The following KLF12 variants were observed in gnomAD, a reference collection of about 807,000 sequenced individuals.
KLF12 encodes the protein Krueppel-like factor 12.
In KLF12, 9 loss-of-function variants were observed where a neutral mutation model predicts 37.8. That is an observed-to-expected ratio of 0.24 (90% CI 0.14 to 0.42). KLF12 has a LOEUF of 0.42. Ranked by LOEUF, KLF12 falls within the 10% of genes least tolerant of loss-of-function variation. The probability of loss-of-function intolerance (pLI) is 1.00; values close to 1 mark genes in which losing one functional copy is unlikely to be tolerated. For synonymous variants in KLF12, 208 were observed against 202.1 expected, an observed-to-expected ratio of 1.03 and a Z score of -0.25; for missense variants, 411 against 516.0, an observed-to-expected ratio of 0.80 and a Z score of 1.97.
At position 73,780,476 on chromosome 13, in the gene KLF12, T is replaced by G. The variant is rs867799478; in HGVS notation, c.807-15476A>C. Among the ~76,000 whole-genome samples the G allele has an allele frequency of 2.8e-3, 423 of 152,138 alleles. 5 individuals carry two copies. Among genetic ancestry groups the G allele is most frequent in the African/African-American group, 9.8e-3 (406 of 41,536 alleles). On this transcript the variant is annotated intron_variant, in intron 5 of 7. Coordinates refer to ENST00000377669, the MANE Select transcript of KLF12 (RefSeq NM_007249.5). ...AGCTTAGCACCCAAGGAATGGTTTTTTTTTTTTTTCTTTTTTCTTTGAGAC... is the reference window on the plus strand; with the variant it reads ...AGCTTAGCACCCAAGGAATGGTTTTGTTTTTTTTTCTTTTTTCTTTGAGAC...
intron 1 of KLF12, among the ~76,000 whole-genome samples, chr13:73,997,226 C>T (rs1892146547): frequency 6.6e-6 from 1 of 152,036 alleles, no homozygotes; most frequent in Non-Finnish European, 1.5e-5. Context: ...TTGAGAAGAC[C>T]TGTCTGTCCC....
chr13:74,107,228 G>C (rs1186143383), intron 1 of KLF12, among the ~76,000 whole-genome samples: 1 of 152,194 alleles, frequency 6.6e-6, no homozygotes, highest in Middle Eastern at 3.2e-3. Context: ...TATTGCATTG[G>C]AGATTAAGTT....
intron 3 of KLF12, among the ~76,000 whole-genome samples, chr13:73,896,830 C>T (rs529280457): frequency 2.0e-5 from 3 of 152,252 alleles, no homozygotes; most frequent in Non-Finnish European, 4.4e-5. Context: ...AATACAATGG[C>T]TTTCTTGGTT....
chr13:74,165,299 C>CTTTTTT, the KLF12 span, among the ~76,000 whole-genome samples: 20 of 98,318 alleles, frequency 2.0e-4, no homozygotes, highest in Non-Finnish European at 3.2e-4. Context: ...ATTTTCTTTT[C>CTTTTTT]TTTTTTTTTT....
intron 3 of KLF12, among the ~76,000 whole-genome samples, chr13:73,863,043 A>G (rs188117822): frequency 2.0e-4 from 31 of 152,270 alleles, no homozygotes; most frequent in Admixed American, 3.9e-4. Context: ...CCAAAAAGGC[A>G]TTTATGTTGG....
intron 3 of KLF12, among the ~76,000 whole-genome samples, chr13:73,857,863 A>T (rs1235057548): frequency 6.6e-6 from 1 of 152,226 alleles, no homozygotes; most frequent in African/African-American, 2.4e-5. Context: ...TAATTCTAAT[A>T]ATCAGACAAG....
chr13:73,689,192 G>T lies in KLF12; in HGVS notation c.*6298C>A, dbSNP rs959130528. The T allele has an allele frequency of 4.6e-5, 7 of 152,114 alleles. No individual in the cohort carries two copies. The highest frequency in any genetic ancestry group is 1.0e-4 in the Non-Finnish European group (7 of 68,022). The allele number at this position is 152,114 out of a possible 1,614,324, so 9.4% of individuals were successfully genotyped here. A position where few individuals can be genotyped will look rare whatever the true frequency, so the allele number is the denominator to read the frequency against. On this transcript the variant is annotated 3_prime_UTR_variant, in exon 8 of 8. Transcript: ENST00000377669. ...GACTTCAGTGAGATTAAGGAACCCA[G>T]CAGCTTTCCTTTGACACTTAATTGG...
At chr13:73,953,003 T>C (rs1254745328) in intron 2 of KLF12, among the ~76,000 whole-genome samples, 2 of 152,134 alleles carry the variant, frequency 1.3e-5, no homozygotes, top group East Asian at 3.9e-4. Context: ...AAGGAAGTGC[T>C]GGTGGTAAGA....
the KLF12 span, among the ~76,000 whole-genome samples, chr13:74,198,689 G>A: frequency 1.3e-5 from 2 of 152,050 alleles, no homozygotes; most frequent in Admixed American, 1.3e-4. Flanking sequence ...TCTGTAATGA[G>A]TTGAAAAGAA....
intron 4 of KLF12, among the ~76,000 whole-genome samples, chr13:73,816,541 C>T (rs1275099579): frequency 1.3e-5 from 2 of 152,136 alleles, no homozygotes; most frequent in African/African-American, 4.8e-5. Context: ...AATTTCAGAA[C>T]CCAACACCTG....
At chr13:74,259,410 C>T in the KLF12 span, 2 of 152,216 alleles carry the variant, frequency 1.3e-5, no homozygotes, top group African/African-American at 4.8e-5. Context: ...CTTCCATGGT[C>T]AAGCCAATAC....
At chr13:74,121,048 C>T (rs1468663480) in intron 1 of KLF12, among the ~76,000 whole-genome samples, 1 of 151,988 alleles carries the variant, frequency 6.6e-6, no homozygotes, top group Non-Finnish European at 1.5e-5. Flanking sequence ...ATTGCCAAAA[C>T]ACTCCAAATA....
rs1491446747 is a variant in KLF12 at position 74,083,540 on chromosome 13, A to AC, written c.-32+50198_-32+50199insG. Among the ~76,000 whole-genome samples, 72 of 145,368 alleles carry AC rather than the reference A, an allele frequency of 5.0e-4. 1 individual carries two copies. The highest frequency in any genetic ancestry group is 1.7e-3 in the African/African-American group (67 of 39,650). The stretch of plus-strand genomic sequence containing the variant: ...CACACACACACACACACACACACAC[A>AC]AACATTTAATACATTCTCATGTACA... On this transcript the variant is annotated intron_variant, in intron 1 of 7. Coordinates refer to ENST00000377669, the MANE Select transcript of KLF12 (RefSeq NM_007249.5).
At chr13:74,068,246 A>G (rs1169106330) in intron 1 of KLF12, among the ~76,000 whole-genome samples, 1 of 152,236 alleles carries the variant, frequency 6.6e-6, no homozygotes, top group Non-Finnish European at 1.5e-5. Context: ...TACGAAAAAT[A>G]AGTTGTATGT....
intron 2 of KLF12, among the ~76,000 whole-genome samples, chr13:73,957,785 T>C (rs1890889523): frequency 6.6e-6 from 1 of 152,210 alleles, no homozygotes; most frequent in Admixed American, 6.5e-5. Flanking sequence ...ATCTAGTTTC[T>C]GTGAAGAACA....
intron 3 of KLF12, among the ~76,000 whole-genome samples, chr13:73,885,152 G>A (rs1403850834): frequency 6.6e-6 from 1 of 152,194 alleles, no homozygotes; most frequent in Non-Finnish European, 1.5e-5. Flanking sequence ...AGCCAACAGT[G>A]TATTTGAAAT....
rs377702369 is a variant in KLF12, at chr13:74,020,890, C to CAA, written c.-31-25839_-31-25838dup. On this transcript the variant is annotated intron_variant, in intron 1 of 7. Transcript: ENST00000377669. ...TGGGCGACAGAGCCACACTCCGTCT[C>CAA]AAAAAAAAAAAAAAAGATGGAATGG... Among the ~76,000 whole-genome samples the CAA allele has an allele frequency of 1.3e-3, 150 of 118,072 alleles. 1 individual carries two copies. The highest frequency in any genetic ancestry group is 4.8e-3 in the Middle Eastern group (1 of 210). 77.5% of individuals were successfully genotyped at this position (118,072 alleles called of 152,430 possible).
chr13:74,074,047 T>C (rs1001942605), intron 1 of KLF12, among the ~76,000 whole-genome samples: 5 of 152,192 alleles, frequency 3.3e-5, no homozygotes, highest in Non-Finnish European at 5.9e-5. Flanking sequence ...ACATTTTCTA[T>C]AGGCTGAGAG....
At chr13:74,227,826 TA>T in the KLF12 span, among the ~76,000 whole-genome samples, 1 of 152,104 alleles carries the variant, frequency 6.6e-6, no homozygotes, top group Non-Finnish European at 1.5e-5. Context: ...AAAGAACAAA[TA>T]AAAACATAGT....
Sources: allele counts gnomAD v4.1 joint callset (sites outside exome capture counted in the v4.1 genomes callset), GRCh38; gene constraint gnomAD v4.1.1; transcripts MANE v1.5; gene names NCBI Gene and HGNC (gene_info 2026-07-23, HGNC 2026-07-21).